The following F5 variants were observed in gnomAD, a reference collection of about 807,000 sequenced individuals.
The protein encoded by F5 is activated protein c cofactor.
A neutral mutation model predicts 216.4 loss-of-function variants in F5; 138 were observed. The ratio of observed to expected loss-of-function variants is 0.64; its 90% CI spans 0.56 to 0.73. The LOEUF (loss-of-function observed/expected upper bound fraction) is 0.73, where lower values mean the gene tolerates loss of function less well. F5 is among the 30% of genes least tolerant of loss of function. The pLI, the probability that F5 is intolerant of heterozygous loss-of-function variation, is 0.00. For missense variants in F5, 2,403 were observed against 2,674.0 expected, an observed-to-expected ratio of 0.90 and a Z score of 2.24; for synonymous variants, 916 against 930.7, an observed-to-expected ratio of 0.98 and a Z score of 0.29.
At chr1:169,578,096 G>A (rs1249542206) in intron 2 of F5, among the ~76,000 whole-genome samples, 3 of 152,254 alleles carry the variant, frequency 2.0e-5, no homozygotes, top group Middle Eastern at 3.4e-3. Context: ...TTTCCTTCAC[G>A]CCAGATTTGC....
At chr1:169,516,876 A>AT (rs1659166755) in intron 23 of F5, among the ~76,000 whole-genome samples, 1 of 152,284 alleles carries the variant, frequency 6.6e-6, no homozygotes, top group African/African-American at 2.4e-5. Flanking sequence ...AAAAATTAGC[A>AT]TTTTATCTTT....
At chr1:169,516,380 AT>A (rs1451346485) in intron 23 of F5, among the ~76,000 whole-genome samples, 7 of 152,136 alleles carry the variant, frequency 4.6e-5, no homozygotes, top group African/African-American at 1.7e-4. Context: ...CCTTTGGGAG[AT>A]TTATCGTCTA....
intron 19 of F5, 92 bp downstream of exon 19, chr1:169,524,745 T>C: frequency 1.9e-6 from 2 of 1,079,120 alleles, no homozygotes; most frequent in East Asian, 4.8e-5. Context: ...GAAAAACTGA[T>C]TCATAGATAG....
intron 2 of F5, among the ~76,000 whole-genome samples, chr1:169,578,367 C>G (rs554389906): frequency 6.6e-6 from 1 of 152,346 alleles, no homozygotes; most frequent in African/African-American, 2.4e-5. Context: ...ATCAGGAAAT[C>G]ACTAAAAAAT....
chr1:169,557,372 G>C (rs1278121701), intron 5 of F5, among the ~76,000 whole-genome samples: 2 of 152,134 alleles, frequency 1.3e-5, no homozygotes, highest in Admixed American at 1.3e-4. Flanking sequence ...TGTAGTGGTC[G>C]AAGCTCTGCC....
At chr1:169,558,723 T>C (rs1660385945) in intron 5 of F5, among the ~76,000 whole-genome samples, 1 of 152,224 alleles carries the variant, frequency 6.6e-6, no homozygotes, top group South Asian at 2.1e-4. Context: ...ATTACTCTTC[T>C]GTCACCTTTT....
At chr1:169,582,093 A>G (rs901490437) in intron 2 of F5, among the ~76,000 whole-genome samples, 2 of 152,236 alleles carry the variant, frequency 1.3e-5, no homozygotes, top group Non-Finnish European at 2.9e-5. Context: ...AAAAATTCAA[A>G]CACTTATAAG....
At chr1:169,555,113 C>T (rs1469068543) in intron 7 of F5, 69 bp downstream of exon 7, 2 of 1,575,022 alleles carry the variant, frequency 1.3e-6, no homozygotes, top group Non-Finnish European at 1.7e-6. Context: ...ACATTTCACC[C>T]CAAACATCTA....
At chr1:169,549,647 A>AG (rs1660114390) in intron 10 of F5, among the ~76,000 whole-genome samples, 154 bp downstream of exon 10, 1 of 148,578 alleles carries the variant, frequency 6.7e-6, no homozygotes. Context: ...AAAAAAAAAA[A>AG]GAATAAATGT....
rs763456027 is a variant in F5, at chr1:169,520,524, T to G, written c.6189A>C (p.Val2063=). Residue 2063 remains valine, a synonymous_variant, in exon 22 of 25, where the codon GTA becomes GTC. Coordinates refer to ENST00000367797, the MANE Select transcript of F5 (RefSeq NM_000130.5). ...TLRLELQGCE[V]NGCSTPLGME... ...TAATGCATCTTTGTACCTTACCATT[T>G]ACCTCACAACCTTGCAGTTCCAATC... is the stretch of plus-strand genomic sequence containing the variant. 1.9e-6 allele frequency: 3 copies of G among 1,614,004 alleles called. No homozygotes were observed. In the Admixed American group the frequency reaches 5.0e-5, roughly 27 times the overall value.
chr1:169,548,731 T>C (rs1660076060), intron 10 of F5, among the ~76,000 whole-genome samples: 2 of 151,414 alleles, frequency 1.3e-5, no homozygotes, highest in Non-Finnish European at 2.9e-5. Context: ...TACATGGGGG[T>C]GGTGGCGGGC....
intron 10 of F5, among the ~76,000 whole-genome samples, chr1:169,549,441 AC>A (rs942931767): frequency 9.9e-5 from 15 of 152,156 alleles, no homozygotes; most frequent in African/African-American, 2.7e-4. Context: ...ATCTCACTGA[AC>A]CCCCAAACAG....
At position 169,556,755 on chromosome 1, in the gene F5, A is replaced by C; in HGVS notation, c.843T>G (p.His281Gln). The C allele has an allele frequency of 6.2e-7, 1 of 1,614,130 alleles. No homozygotes were observed. The highest frequency in any genetic ancestry group is 1.1e-5 in the South Asian group (1 of 91,088). ...TGACAAGGGTGATGGCTGAGACCTT[A>C]TGATGGTTCTGCTCCAGGACCTGGC... ...FNGQVLEQNH[H>Q]KVSAITLVSA... The change falls in exon 6 of 25, where the codon CAT becomes CAG. Residue 281 changes from histidine (H) to glutamine (Q), a missense_variant. This residue lies in a region of F5 where 1,425 missense variants were observed against 1,554.8 expected (regional missense o/e 0.92). Coordinates refer to ENST00000367797, the MANE Select transcript of F5 (RefSeq NM_000130.5).
chr1:169,582,593 A>T (rs985908828), intron 1 of F5, 71 bp from the exon 2 acceptor site: 89 of 806,134 alleles, frequency 1.1e-4, no homozygotes, highest in Middle Eastern at 6.5e-4. Context: ...CAAAAAAAGT[A>T]GATCTCTCAT....
intron 24 of F5, among the ~76,000 whole-genome samples, chr1:169,514,791 A>G (rs1049223431): frequency 2.0e-5 from 3 of 152,144 alleles, no homozygotes; most frequent in African/African-American, 7.2e-5. Context: ...ATTTCATCTC[A>G]CCAGTGATCT....
chr1:169,580,432 G>A (rs924299601), intron 2 of F5, among the ~76,000 whole-genome samples: 3 of 151,136 alleles, frequency 2.0e-5, no homozygotes, highest in African/African-American at 7.3e-5. Flanking sequence ...CACCCAGGTT[G>A]GAGTGAAGTG....
intron 3 of F5, among the ~76,000 whole-genome samples, chr1:169,562,287 C>T (rs1660501224): frequency 2.6e-5 from 4 of 152,090 alleles, no homozygotes; most frequent in African/African-American, 9.6e-5. Context: ...CATCATTACA[C>T]ACCCTTTTGT....
chr1:169,543,212 C>A, intron 12 of F5, 98 bp from the exon 13 acceptor site: 1 of 1,179,202 alleles, frequency 8.5e-7, no homozygotes, highest in Non-Finnish European at 1.2e-6. Flanking sequence ...AATAAACTTT[C>A]GTCAGGAATA....
chr1:169,519,646 C>T (rs1410770309), intron 22 of F5, among the ~76,000 whole-genome samples: 1 of 152,162 alleles, frequency 6.6e-6, no homozygotes, highest in Non-Finnish European at 1.5e-5. Context: ...GGTGGCTTCT[C>T]TCCACCCAAA....
Sources: gnomAD v4.1 joint callset for allele counts (sites outside exome capture counted in the v4.1 genomes callset) on GRCh38, gnomAD v4.1.1 for gene constraint, gnomAD v4.1.1 regional missense constraint, MANE v1.5 for transcripts, NCBI Gene and HGNC (gene_info 2026-07-23, HGNC 2026-07-21) for gene names.